Variants in ANO5 observed in about 807,000 individuals in gnomAD.
ANO5 encodes the protein anoctamin 5, also known as anoctamin-5.
ANO5 carries 109 observed loss-of-function variants against 121.0 expected under a neutral mutation model. The observed-to-expected ratio is 0.90, with a 90% CI of 0.77 to 1.06. The LOEUF (loss-of-function observed/expected upper bound fraction) is 1.06. Ranked by LOEUF, ANO5 falls within the 50% of genes least tolerant of loss-of-function variation. ANO5 has a pLI of 0.00. For missense variants in ANO5, 1,064 were observed against 1,078.5 expected (o/e 0.99, Z 0.19); for synonymous variants, 406 against 359.9 (o/e 1.13, Z -1.45).
intron 1 of ANO5, among the ~76,000 whole-genome samples, chr11:22,197,979 G>A (rs924608759): frequency 3.3e-5 from 5 of 152,188 alleles, no homozygotes; most frequent in Non-Finnish European, 7.3e-5. Flanking sequence ...CATAGTCACA[G>A]CATCTTTATA....
upstream of ANO5, chr11:22,193,020 G>A (rs1000173040): frequency 1.1e-5 from 11 of 985,282 alleles, no homozygotes; most frequent in African/African-American, 1.9e-4. Context: ...GTCTGGAGGC[G>A]GGGAAAGAGG....
At position 22,276,057 on chromosome 11, in the gene ANO5, A is replaced by T. The variant is rs760248825; in HGVS notation, c.2415-37A>T. The T allele has an allele frequency of 5.6e-6, 7 of 1,239,678 alleles. No individual in the cohort carries two copies. The African/African-American group carries it at 9.4e-5, about 17-fold the overall frequency. 76.8% of individuals were successfully genotyped at this position (1,239,678 alleles called of 1,614,324 possible). On this transcript the variant is annotated intron_variant, in intron 20 of 21. Transcript: ENST00000324559. ...CTCTCTAGTTGAAGCTATAACTATT[A>T]TTATTTTTTTTTTTTGCATTTACTT...
Position 22,227,321 on chromosome 11 carries a change from C to A in ANO5, c.383C>A (p.Thr128Asn), listed in dbSNP as rs1275610954. Residue 128 changes from threonine to asparagine, a missense_variant, in exon 7 of 22, where the codon ACT (threonine) becomes AAT (asparagine). By Grantham distance (65) the Thr-to-Asn change is moderately conservative (BLOSUM62 0). Transcript: ENST00000324559. ...ATGCAGGACTCGGAAGATGGAAGAA[C>A]TTATTTTGTCAAGATCCATGCCCCT... ...EDKRDSEDGR[T>N]YFVKIHAPWE... 1.2e-6 allele frequency: 2 copies of A among 1,613,190 alleles called. No individual in the cohort carries two copies. The highest frequency in any genetic ancestry group is 1.7e-6 in the Non-Finnish European group (2 of 1,179,632).
In ANO5 at chr11:22,231,515, T is replaced by C. The variant is rs537494466; in HGVS notation, c.648+3929T>C. Among the ~76,000 whole-genome samples, 20 of 152,068 alleles carry C rather than the reference T, an allele frequency of 1.3e-4. 1 individual carries two copies. The South Asian group carries it at 3.9e-3, about 30-fold the overall frequency. On this transcript the variant is annotated intron_variant, in intron 7 of 21. Coordinates refer to ENST00000324559, the MANE Select transcript of ANO5 (RefSeq NM_213599.3). ...CAGTATATTCTTTCATATCTTTTTG[T>C]GACAGTAGATATTAATCTATCTATT...
chr11:22,265,950 T>C (rs1854346107), intron 17 of ANO5, among the ~76,000 whole-genome samples: 1 of 152,166 alleles, frequency 6.6e-6, no homozygotes, highest in African/African-American at 2.4e-5. Context: ...ATTTGTGCTC[T>C]AGCCAAATAT....
chr11:22,211,949 ATT>A (rs1435662386), intron 3 of ANO5, among the ~76,000 whole-genome samples: 1 of 151,304 alleles, frequency 6.6e-6, no homozygotes, highest in Admixed American at 6.6e-5. Context: ...TATTGATCAA[ATT>A]AAAACAATTG....
rs1309692020 is a variant in ANO5, at chr11:22,279,846, G to A, written c.*81G>A. On this transcript the variant is annotated 3_prime_UTR_variant, in exon 22 of 22. Transcript: ENST00000324559. ...TTTAGGGCCAGACGCCAGAAGCCATGTGTCAATTTTACCCTTTCTTTTTTT... is the reference window on the plus strand; with the variant it reads ...TTTAGGGCCAGACGCCAGAAGCCATATGTCAATTTTACCCTTTCTTTTTTT... 4 of 1,135,814 alleles carry A rather than the reference G, an allele frequency of 3.5e-6. No individual in the cohort carries two copies. The highest frequency in any genetic ancestry group is 2.4e-5 in the Admixed American group (1 of 41,668). 70.4% of individuals were successfully genotyped at this position (1,135,814 alleles called of 1,614,324 possible).
At chr11:22,215,067 G>C (rs1195027220) in intron 3 of ANO5, among the ~76,000 whole-genome samples, 4 of 151,918 alleles carry the variant, frequency 2.6e-5, no homozygotes, top group African/African-American at 4.8e-5. Context: ...ACCTATCTTA[G>C]AGTGACTACT....
At chr11:22,231,615 G>C (rs913428466) in intron 7 of ANO5, among the ~76,000 whole-genome samples, 2 of 151,584 alleles carry the variant, frequency 1.3e-5, no homozygotes, top group Non-Finnish European at 2.9e-5. Flanking sequence ...TAGCTATTCA[G>C]GTTGTTTCCA....
chr11:22,241,400 G>A lies in ANO5; in HGVS notation c.878+1716G>A, dbSNP rs4293119. On this transcript the variant is annotated intron_variant, in intron 9 of 21. Transcript: ENST00000324559. Reference sequence around the variant, plus strand: ...GGTAGAACAATTTATATTGCTTTGAGCATATGCCCAGTAATGAGATTGTTG... The same window carrying A: ...GGTAGAACAATTTATATTGCTTTGAACATATGCCCAGTAATGAGATTGTTG... 8.9e-3 allele frequency among the ~76,000 whole-genome samples: 1,359 copies of A among 151,920 alleles called. 21 individuals carry two copies. The highest frequency in any genetic ancestry group is 0.031 in the African/African-American group (1,286 of 41,432).
At chr11:22,274,484 A>G (rs1564952639) in intron 19 of ANO5, 85 bp from the exon 20 acceptor site, 1 of 1,222,672 alleles carries the variant, frequency 8.2e-7, no homozygotes. Flanking sequence ...TATATAATTT[A>G]TGGTACTGAG....
intron 18 of ANO5, among the ~76,000 whole-genome samples, chr11:22,272,491 C>A (rs1489514887): frequency 1.3e-5 from 2 of 151,978 alleles, no homozygotes; most frequent in Non-Finnish European, 2.9e-5. Context: ...CTAAGCTTAG[C>A]CCATAATAAA....
At chr11:22,275,363 GTTTCA>G (rs1854800834) in intron 20 of ANO5, among the ~76,000 whole-genome samples, 2 of 151,514 alleles carry the variant, frequency 1.3e-5, no homozygotes, top group Admixed American at 6.6e-5. Flanking sequence ...TAAACCAGCT[GTTTCA>G]TTTGAGACTC....
intron 1 of ANO5, among the ~76,000 whole-genome samples, chr11:22,195,820 A>G (rs1026105860): frequency 6.6e-6 from 1 of 152,176 alleles, no homozygotes; most frequent in Non-Finnish European, 1.5e-5. Context: ...TGGAGGTGAG[A>G]GAAATAGATA....
At chr11:22,236,061 G>C (rs970742332) in intron 7 of ANO5, 102 bp from the exon 8 acceptor site, 4 of 773,364 alleles carry the variant, frequency 5.2e-6, no homozygotes, top group Non-Finnish European at 9.1e-6. Flanking sequence ...ATTAGAGCCT[G>C]TATCTACATT....
intron 5 of ANO5, among the ~76,000 whole-genome samples, chr11:22,224,068 G>C (rs1338825361): frequency 6.6e-6 from 1 of 151,768 alleles, no homozygotes; most frequent in African/African-American, 2.4e-5. Context: ...GTGGCTTCCA[G>C]GACTCCACAT....
At chr11:22,269,286 G>GGGAAA (rs367885921) in intron 17 of ANO5, among the ~76,000 whole-genome samples, 14 of 47,356 alleles carry the variant, frequency 3.0e-4, no homozygotes, top group African/African-American at 1.7e-3. Context: ...GGGAAGAGAA[G>GGGAAA]GGAAGAAGGA....
intron 5 of ANO5, among the ~76,000 whole-genome samples, chr11:22,221,475 A>C (rs1223854802): frequency 6.6e-6 from 1 of 151,996 alleles, no homozygotes; most frequent in Non-Finnish European, 1.5e-5. Context: ...TTAGATATTA[A>C]ATGTAACATC....
chr11:22,221,729 G>A (rs2133590982), intron 5 of ANO5, among the ~76,000 whole-genome samples: 1 of 151,958 alleles, frequency 6.6e-6, no homozygotes, highest in Non-Finnish European at 1.5e-5. Flanking sequence ...TCACCGTTAT[G>A]TACCCAAATC....
Sources: allele counts gnomAD v4.1 joint callset (sites outside exome capture counted in the v4.1 genomes callset), GRCh38; gene constraint gnomAD v4.1.1; transcripts MANE v1.5; gene names NCBI Gene and HGNC (gene_info 2026-07-23, HGNC 2026-07-21).